The following PDIA6 variants were observed in gnomAD, a reference collection of about 807,000 sequenced individuals.
PDIA6 encodes protein disulfide-isomerase A6.
PDIA6 carries 29 observed loss-of-function variants against 58.4 expected under a neutral mutation model. The observed-to-expected ratio is 0.50, with a 90% confidence interval of 0.37 to 0.68. The LOEUF (loss-of-function observed/expected upper bound fraction) is 0.68. Among genes scored for constraint, PDIA6 ranks in the 30% least tolerant of loss-of-function variants. The probability of loss-of-function intolerance (pLI) is 0.00; values close to 1 mark genes in which losing one functional copy is unlikely to be tolerated. For missense variants in PDIA6, 480 were observed against 551.0 expected, an observed-to-expected ratio of 0.87 and a Z score of 1.29; for synonymous variants, 192 against 202.6, an observed-to-expected ratio of 0.95 and a Z score of 0.44.
intron 1 of PDIA6, among the ~76,000 whole-genome samples, chr2:10,812,312 G>T (rs1017247062): frequency 6.9e-6 from 1 of 145,112 alleles, no homozygotes; most frequent in Non-Finnish European, 1.5e-5. Flanking sequence ...ACGAGTTCGA[G>T]AAGAGCCCGG....
chr2:10,825,060 A>T (rs545690774), intron 1 of PDIA6, among the ~76,000 whole-genome samples: 1 of 152,166 alleles, frequency 6.6e-6, no homozygotes, highest in Non-Finnish European at 1.5e-5. Flanking sequence ...AAAAAACGTG[A>T]AAAGGCCAGG....
chr2:10,808,075 A>T (rs1209703116), intron 1 of PDIA6, among the ~76,000 whole-genome samples: 2 of 152,262 alleles, frequency 1.3e-5, no homozygotes, highest in African/African-American at 4.8e-5. Flanking sequence ...TCACAGATAT[A>T]GCCAATACTG....
intron 11 of PDIA6, among the ~76,000 whole-genome samples, chr2:10,787,027 C>T (rs540570859): frequency 1.2e-4 from 19 of 152,256 alleles, no homozygotes; most frequent in African/African-American, 4.6e-4. Flanking sequence ...GCCAGATGCA[C>T]AGAATGGCAC....
At chr2:10,786,215 C>T (rs994938060) in intron 11 of PDIA6, among the ~76,000 whole-genome samples, 8 of 151,936 alleles carry the variant, frequency 5.3e-5, no homozygotes, top group African/African-American at 1.9e-4. Flanking sequence ...CCCAGCTACT[C>T]AGGAGGCTGA....
chr2:10,784,350 G>A, intron 12 of PDIA6, 24 bp from the exon 13 acceptor site: 7 of 1,600,628 alleles, frequency 4.4e-6, no homozygotes, highest in Non-Finnish European at 5.1e-6. Context: ...GAAAGCCACT[G>A]TTAGATCTGC....
intron 1 of PDIA6, among the ~76,000 whole-genome samples, chr2:10,822,756 A>G (rs577753806): frequency 6.6e-6 from 1 of 152,364 alleles, no homozygotes; most frequent in African/African-American, 2.4e-5. Flanking sequence ...TTTACTAAAC[A>G]ATTTGCAAGG....
At chr2:10,787,240 C>A (rs763567951) in intron 11 of PDIA6, 41 bp downstream of exon 11, 2 of 1,581,364 alleles carry the variant, frequency 1.3e-6, no homozygotes, top group Non-Finnish European at 1.7e-6. Flanking sequence ...CAGAACCAAA[C>A]AAACAGACAA....
chr2:10,807,033 T>A (rs1334112758), intron 1 of PDIA6, among the ~76,000 whole-genome samples: 1 of 152,232 alleles, frequency 6.6e-6, no homozygotes, highest in Non-Finnish European at 1.5e-5. Context: ...TTTCAGCATC[T>A]CTGAAGTTGA....
intron 4 of PDIA6, among the ~76,000 whole-genome samples, chr2:10,796,719 TA>T (rs1483704505): frequency 5.9e-5 from 9 of 152,240 alleles, no homozygotes; most frequent in South Asian, 2.1e-4. Context: ...TCCATAGTGT[TA>T]TGTTAGACCC....
intron 8 of PDIA6, 106 bp from the exon 9 acceptor site, chr2:10,789,087 TTC>T (rs1229695004): frequency 6.3e-6 from 5 of 797,852 alleles, no homozygotes; most frequent in East Asian, 2.5e-5. Flanking sequence ...TTGAAAACAT[TTC>T]TCCCACGACT....
chr2:10,789,911 A>G (rs1190709176), intron 7 of PDIA6, 22 bp from the exon 8 acceptor site: 4 of 1,599,572 alleles, frequency 2.5e-6, no homozygotes, highest in Non-Finnish European at 3.4e-6. Flanking sequence ...AGGTCAGAGG[A>G]TAAAATCCAA....
At position 10,808,928 on chromosome 2, in the gene PDIA6, C is replaced by T. The variant is rs887256973; in HGVS notation, c.19+3750G>A. 3.3e-5 allele frequency among the ~76,000 whole-genome samples: 5 copies of T among 152,082 alleles called. No individual in the cohort carries two copies. The East Asian group carries it at 9.6e-4, about 29-fold the overall frequency. On this transcript the variant is annotated intron_variant, in intron 1 of 12. Transcript: ENST00000272227. ...GCAACCACTGTCTCCTGGGTTCAAG[C>T]GATTCTCCCGTCTCAGGATTACAGG...
At chr2:10,807,697 A>G (rs1666819824) in intron 1 of PDIA6, among the ~76,000 whole-genome samples, 3 of 152,238 alleles carry the variant, frequency 2.0e-5, no homozygotes, top group South Asian at 4.1e-4. Flanking sequence ...AAGATTTCAA[A>G]TGGACCTTTT....
At chr2:10,818,533 TA>T (rs373047247) in intron 2 of PDIA6, among the ~76,000 whole-genome samples, 15,689 of 111,908 alleles carry the variant, frequency 0.14, 1,210 homozygotes, top group Non-Finnish European at 0.19. Context: ...TTTATTTATT[TA>T]TTTTGAGATG....
chr2:10,837,591 T>C, exon 1 of PDIA6: 1 of 883,378 alleles, frequency 1.1e-6, no homozygotes. Context: ...AGGCAGGGGC[T>C]GTGATTATCC....
At position 10,819,478 on chromosome 2, in the gene PDIA6, C is replaced by T. The variant is rs1040969649; in HGVS notation, c.-47-124G>A. The T allele has an allele frequency of 6.1e-5, 38 of 621,254 alleles. No homozygotes were observed. The East Asian group carries it at 1.1e-3, about 17-fold the overall frequency. 38.5% of individuals were successfully genotyped at this position (621,254 alleles called of 1,614,324 possible). A position where few individuals can be genotyped will look rare whatever the true frequency, so the allele number is the denominator to read the frequency against. The stretch of plus-strand genomic sequence containing the variant: ...ACCTGCTAAAACTGCTTTTGTTAAT[C>T]AACGAAAAGTTATAGTGCTGAAAAA... On this transcript the variant is annotated intron_variant, in intron 1 of 13. Coordinates refer to the PDIA6 transcript ENST00000381611.
intron 4 of PDIA6, among the ~76,000 whole-genome samples, chr2:10,795,310 C>T (rs1039973267): frequency 1.3e-5 from 2 of 152,114 alleles, no homozygotes; most frequent in Non-Finnish European, 1.5e-5. Context: ...ATAAAAACAG[C>T]AGCAGACTGA....
At chr2:10,834,713 CCCTCCCTCCCTTCCTTCCCTCCTTCCTT>C (rs1462244702), upstream of PDIA6, among the ~76,000 whole-genome samples, 1 of 45,120 alleles carries the variant, frequency 2.2e-5, no homozygotes, top group African/African-American at 8.1e-5. Context: ...CTCCCTCCCT[CCCTCCCTCCCTTCCTTCCCTCCTTCCTT>C]CCTTCCTTCC....
At chr2:10,834,564 T>C (rs1278651091), upstream of PDIA6, among the ~76,000 whole-genome samples, 1 of 152,114 alleles carries the variant, frequency 6.6e-6, no homozygotes, top group Non-Finnish European at 1.5e-5. Flanking sequence ...GTGGCCTGGA[T>C]GCAGGCCGAG....
Sources: allele counts gnomAD v4.1 joint callset (sites outside exome capture counted in the v4.1 genomes callset), GRCh38; gene constraint gnomAD v4.1.1; transcripts MANE v1.5; gene names NCBI Gene and HGNC (gene_info 2026-07-23, HGNC 2026-07-21).